Variants in LAMA3 observed in about 807,000 individuals in gnomAD.
The protein encoded by LAMA3 is laminin subunit alpha 3.
Under a neutral mutation model 402.0 loss-of-function variants are expected in LAMA3, and 281 were observed. The ratio of observed to expected loss-of-function variants is 0.70; its 90% CI spans 0.63 to 0.77. The LOEUF is 0.77. Ranked by LOEUF, LAMA3 falls within the 30% of genes least tolerant of loss-of-function variation. The pLI, the probability that LAMA3 is intolerant of heterozygous loss-of-function variation, is 0.00. For synonymous variants in LAMA3, 1,431 were observed against 1,558.4 expected, an observed-to-expected ratio of 0.92 and a Z score of 1.93; for missense variants, 3,840 against 4,215.5, an observed-to-expected ratio of 0.91 and a Z score of 2.47.
intron 48 of LAMA3, among the ~76,000 whole-genome samples, chr18:23,901,883 G>A (rs577700242): frequency 6.6e-6 from 1 of 152,256 alleles, no homozygotes; most frequent in Admixed American, 6.5e-5. Flanking sequence ...TAGTAGAGAC[G>A]GGGTTTCACC....
chr18:23,939,417 G>A, intron 68 of LAMA3, 31 bp downstream of exon 68: 1 of 1,610,498 alleles, frequency 6.2e-7, no homozygotes, highest in African/African-American at 1.3e-5. Context: ...CCCAGCACCA[G>A]CTCAGAACCT....
At chr18:23,924,193 C>G (rs1415166729) in intron 62 of LAMA3, among the ~76,000 whole-genome samples, 2 of 152,118 alleles carry the variant, frequency 1.3e-5, no homozygotes, top group Admixed American at 6.5e-5. Context: ...GCTCTGTCAC[C>G]CAGGCTGGAG....
At chr18:23,820,649 A>G (rs1056203029) in intron 19 of LAMA3, among the ~76,000 whole-genome samples, 2 of 152,304 alleles carry the variant, frequency 1.3e-5, no homozygotes, top group South Asian at 2.1e-4. Flanking sequence ...ACTTATAACT[A>G]AAAAATTCTG....
intron 69 of LAMA3, 80 bp downstream of exon 69, chr18:23,944,051 T>A: frequency 7.3e-7 from 1 of 1,378,046 alleles, no homozygotes; most frequent in Non-Finnish European, 1.0e-6. Flanking sequence ...AGTCCCAGCA[T>A]CCTTCCCAGA....
intron 42 of LAMA3, 125 bp from the exon 43 acceptor site, chr18:23,894,173 C>A (rs371246508): frequency 4.7e-5 from 36 of 766,188 alleles, no homozygotes; most frequent in African/African-American, 2.8e-4. Context: ...ATGGTGAAAA[C>A]CACAATTACT....
intron 44 of LAMA3, among the ~76,000 whole-genome samples, chr18:23,896,057 C>G (rs966935476): frequency 6.6e-6 from 1 of 152,144 alleles, no homozygotes; most frequent in African/African-American, 2.4e-5. Context: ...ATGTGTTGAC[C>G]AGGCATGGTG....
intron 32 of LAMA3, among the ~76,000 whole-genome samples, chr18:23,851,431 C>A (rs1384435726): frequency 6.6e-6 from 1 of 152,226 alleles, no homozygotes; most frequent in African/African-American, 2.4e-5. Context: ...CGCTCACTCT[C>A]TGGGTGACCT....
In LAMA3 at chr18:23,751,012, T is replaced by C; in HGVS notation, c.779T>C (p.Leu260Ser). The stretch of plus-strand genomic sequence containing the variant: ...TTTACCAAGGCAACAAACATCCGCT[T>C]GCGTTTTCTTAGAACCAATACGCTT... Reference protein sequence around the residue: ...REFTKATNIRLRFLRTNTLLG... With the variant: ...REFTKATNIRSRFLRTNTLLG... Residue 260 changes from leucine (L) to serine (S), a missense_variant, in exon 5 of 75, where the codon TTG becomes TCG. Transcript: ENST00000313654. 1 of 1,614,190 alleles carries C rather than the reference T, an allele frequency of 6.2e-7. No individual in the cohort carries two copies. Among genetic ancestry groups the C allele is most frequent in the South Asian group, 1.1e-5 (1 of 91,084 alleles).
chr18:23,882,693 A>G (rs2064941276), intron 40 of LAMA3, among the ~76,000 whole-genome samples: 1 of 151,478 alleles, frequency 6.6e-6, no homozygotes, highest in Non-Finnish European at 1.5e-5. Context: ...CTTTTCTTTT[A>G]CTGTTCATTC....
chr18:23,914,626 A>G, intron 57 of LAMA3, 65 bp downstream of exon 57: 1 of 1,606,100 alleles, frequency 6.2e-7, no homozygotes, highest in Non-Finnish European at 8.5e-7. Flanking sequence ...GCTGAACCCC[A>G]TTTTTAGTGG....
intron 8 of LAMA3, among the ~76,000 whole-genome samples, chr18:23,770,244 TA>T (rs1006026460): frequency 2.0e-5 from 3 of 152,118 alleles, no homozygotes; most frequent in African/African-American, 4.8e-5. Context: ...TTATCAAAAT[TA>T]AAAACTTCTG....
At chr18:23,903,197 G>C in intron 49 of LAMA3, 72 bp downstream of exon 49, 1 of 938,186 alleles carries the variant, frequency 1.1e-6, no homozygotes, top group Non-Finnish European at 1.8e-6. Flanking sequence ...CAATGAAATG[G>C]GCTGACCTAC....
At position 23,750,432 on chromosome 18, in the gene LAMA3, GTTTTTTTTTTTTTTTTTTTT is replaced by G. The variant is rs66582854; in HGVS notation, c.685-470_685-451del. 7.6e-4 allele frequency among the ~76,000 whole-genome samples: 25 copies of G among 33,032 alleles called. 1 individual carries two copies. In the Middle Eastern group the frequency reaches 0.11, roughly 144 times the overall value. 21.7% of individuals were successfully genotyped at this position (33,032 alleles called of 152,430 possible). A position where few individuals can be genotyped will look rare whatever the true frequency, so the allele number is the denominator to read the frequency against. ...TAAAACAAAATGGAGGGTTTACACA[GTTTTTTTTTTTTTTTTTTTT>G]TTTTTTTTTTTTTTTGCCCCATTAC... On this transcript the variant is annotated intron_variant, in intron 4 of 74. Coordinates refer to ENST00000313654, the MANE Select transcript of LAMA3 (RefSeq NM_198129.4).
intron 27 of LAMA3, among the ~76,000 whole-genome samples, chr18:23,840,301 A>G (rs2063669362): frequency 6.6e-6 from 1 of 151,646 alleles, no homozygotes; most frequent in Non-Finnish European, 1.5e-5. Context: ...CTGCTGTTTA[A>G]TATAGTTGTT....
At chr18:23,770,449 G>A (rs1232522089) in intron 8 of LAMA3, among the ~76,000 whole-genome samples, 1 of 151,968 alleles carries the variant, frequency 6.6e-6, no homozygotes, top group Non-Finnish European at 1.5e-5. Context: ...TATATAAATG[G>A]CCAATAAATG....
chr18:23,737,773 G>A (rs554874007), intron 2 of LAMA3, among the ~76,000 whole-genome samples: 27 of 152,376 alleles, frequency 1.8e-4, no homozygotes, highest in Middle Eastern at 6.8e-3. Flanking sequence ...GACTGAGTGC[G>A]TGTTTTGTAT....
chr18:23,789,140 C>T (rs1345347582), intron 12 of LAMA3, among the ~76,000 whole-genome samples: 1 of 151,996 alleles, frequency 6.6e-6, no homozygotes, highest in East Asian at 1.9e-4. Context: ...AATGAAATAC[C>T]ATTTTATATC....
chr18:23,920,868 G>T, intron 60 of LAMA3, 67 bp from the exon 61 acceptor site: 2 of 1,598,412 alleles, frequency 1.3e-6, no homozygotes, highest in Non-Finnish European at 1.7e-6. Flanking sequence ...AGAGTAACGG[G>T]AGTTCCAGTG....
intron 51 of LAMA3, among the ~76,000 whole-genome samples, chr18:23,904,915 C>T (rs2081193769): frequency 6.6e-6 from 1 of 152,226 alleles, no homozygotes; most frequent in Non-Finnish European, 1.5e-5. Flanking sequence ...ATAGAAATTA[C>T]ACTGATTGTC....
Sources: gnomAD v4.1 joint callset for allele counts (sites outside exome capture counted in the v4.1 genomes callset) on GRCh38, gnomAD v4.1.1 for gene constraint, MANE v1.5 for transcripts, NCBI Gene and HGNC (gene_info 2026-07-23, HGNC 2026-07-21) for gene names.